Variants in CEP128 observed in about 807,000 individuals in gnomAD.
CEP128 encodes centrosomal protein 128.
A neutral mutation model predicts 156.7 loss-of-function variants in CEP128; 132 were observed. That is an observed-to-expected ratio of 0.84 (90% confidence interval 0.73 to 0.97). The LOEUF (loss-of-function observed/expected upper bound fraction) is 0.97. CEP128 is among the 50% of genes least tolerant of loss of function. The pLI, the probability that CEP128 is intolerant of heterozygous loss-of-function variation, is 0.00. For synonymous variants in CEP128, 469 were observed against 448.9 expected, an observed-to-expected ratio of 1.04 and a Z score of -0.57; for missense variants, 1,252 against 1,281.9, an observed-to-expected ratio of 0.98 and a Z score of 0.36.
Position 80,490,951 on chromosome 14 carries a change from G to T in CEP128, c.*11-229C>A, listed in dbSNP as rs7143767. On this transcript the variant is annotated intron_variant, in intron 6 of 6. Transcript: ENST00000556061. ...GGCGCCATCACCAAAGTTTCTGAAT[G>T]GATAGGTCTGGGGATAGCTAGAGAA... 2.7e-3 allele frequency among the ~76,000 whole-genome samples: 405 copies of T among 152,098 alleles called. 4 individuals are homozygous for T. The highest frequency in any genetic ancestry group is 8.9e-3 in the African/African-American group (369 of 41,438).
chr14:80,880,741 T>G (rs1236019645), intron 8 of CEP128, among the ~76,000 whole-genome samples: 2 of 149,680 alleles, frequency 1.3e-5, no homozygotes, highest in Non-Finnish European at 3.0e-5. Context: ...TGGGCGCCTG[T>G]AGTCCCAGCT....
downstream of CEP128, among the ~76,000 whole-genome samples, chr14:80,493,012 C>T (rs897264726): frequency 1.2e-4 from 18 of 151,800 alleles, no homozygotes; most frequent in Admixed American, 6.6e-4. Context: ...TCTTTATTTC[C>T]AATTAAGTAT....
In CEP128 at chr14:80,895,737, T is replaced by C; in HGVS notation, c.626A>G (p.Glu209Gly). 1 of 1,576,770 alleles carries C rather than the reference T, an allele frequency of 6.3e-7. No individual in the cohort carries two copies. The highest frequency in any genetic ancestry group is 8.6e-7 in the Non-Finnish European group (1 of 1,160,014). The change falls in exon 8 of 25, where the codon GAA becomes GGA. Residue 209 changes from glutamate (E) to glycine (G), a missense_variant. Glu to Gly is a moderately conservative substitution (Grantham distance 98). Transcript: ENST00000555265. ...TCTCACCACTTCTTGTTTCTGGGCT[T>C]CATTAAGTTTTTCAGTCAATTCTTC... ...ALEELTEKLN[E>G]AQKQEVVSDR...
chr14:80,939,823 A>G (rs922614535), intron 1 of CEP128, among the ~76,000 whole-genome samples: 1 of 152,170 alleles, frequency 6.6e-6, no homozygotes, highest in Admixed American at 6.5e-5. Context: ...AAGTCTAGCC[A>G]AAAAGTACTA....
intron 18 of CEP128, among the ~76,000 whole-genome samples, chr14:80,752,464 G>A (rs2139645896): frequency 6.6e-6 from 1 of 152,176 alleles, no homozygotes; most frequent in East Asian, 1.9e-4. Flanking sequence ...TCAATTAACT[G>A]AATATATTCC....
At chr14:80,781,672 A>C (rs890084707) in intron 15 of CEP128, among the ~76,000 whole-genome samples, 1 of 152,154 alleles carries the variant, frequency 6.6e-6, no homozygotes, top group Admixed American at 6.5e-5. Flanking sequence ...GAAAGGAACT[A>C]GAGGGAAGTA....
intron 21 of CEP128, among the ~76,000 whole-genome samples, chr14:80,544,199 C>T (rs970431583): frequency 6.6e-6 from 1 of 152,122 alleles, no homozygotes; most frequent in Non-Finnish European, 1.5e-5. Context: ...AACGTGTATA[C>T]TATATCATAA....
chr14:80,762,280 A>T lies in CEP128; in HGVS notation c.2377-667T>A, dbSNP rs1900009712. Among the ~76,000 whole-genome samples the T allele has an allele frequency of 3.3e-5, 5 of 151,024 alleles. No homozygotes were observed. In the South Asian group the frequency reaches 1.1e-3, roughly 32 times the overall value. On this transcript the variant is annotated intron_variant, in intron 16 of 24. Transcript: ENST00000555265. ...TAATTCTAAATCATTATGATTATAC[A>T]GTTACATTACTAGAGAAATTCCAAA... is the stretch of plus-strand genomic sequence containing the variant.
intron 19 of CEP128, among the ~76,000 whole-genome samples, chr14:80,706,152 C>T (rs151132173): frequency 7.2e-5 from 11 of 152,020 alleles, no homozygotes; most frequent in Admixed American, 7.2e-4. Flanking sequence ...CCTCATCAAC[C>T]CTTTGGTTAC....
chr14:80,942,775 CCTCT>C (rs1193803626), upstream of CEP128, among the ~76,000 whole-genome samples: 5 of 151,636 alleles, frequency 3.3e-5, no homozygotes, highest in Admixed American at 6.6e-5. Flanking sequence ...CGTTCATATC[CCTCT>C]CTCTCTTTCT....
At chr14:80,748,378 A>G (rs1385496874) in intron 18 of CEP128, among the ~76,000 whole-genome samples, 2 of 152,200 alleles carry the variant, frequency 1.3e-5, no homozygotes, top group Non-Finnish European at 2.9e-5. Flanking sequence ...CTACTGAAGC[A>G]CTAACGAAGA....
chr14:80,541,059 T>C (rs1178487019), intron 21 of CEP128, among the ~76,000 whole-genome samples: 1 of 152,142 alleles, frequency 6.6e-6, no homozygotes, highest in Non-Finnish European at 1.5e-5. Flanking sequence ...AAAAAGATCA[T>C]CAATAAGAAG....
At chr14:80,579,927 G>T (rs1891516124) in intron 20 of CEP128, among the ~76,000 whole-genome samples, 4 of 152,200 alleles carry the variant, frequency 2.6e-5, no homozygotes, top group Admixed American at 2.6e-4. Context: ...AACCTGTACT[G>T]AATTGAGAGG....
At chr14:80,534,787 T>C (rs1889405164) in intron 21 of CEP128, among the ~76,000 whole-genome samples, 1 of 125,902 alleles carries the variant, frequency 7.9e-6, no homozygotes, top group Non-Finnish European at 1.5e-5. Context: ...ATCACACCAC[T>C]GCACTCCAGC....
chr14:80,484,860 A>T (rs1224293205), intron 14 of CEP128, among the ~76,000 whole-genome samples: 1 of 151,806 alleles, frequency 6.6e-6, no homozygotes, highest in Non-Finnish European at 1.5e-5. Flanking sequence ...TGCACGGGAA[A>T]ATTTTTCTAT....
chr14:80,546,713 G>A (rs981939827), intron 21 of CEP128, among the ~76,000 whole-genome samples: 14 of 152,120 alleles, frequency 9.2e-5, no homozygotes, highest in African/African-American at 3.1e-4. Context: ...AGAAAGCATA[G>A]GTAGCAGTGA....
chr14:80,767,166 T>C (rs1900280023), intron 16 of CEP128, among the ~76,000 whole-genome samples: 1 of 152,088 alleles, frequency 6.6e-6, no homozygotes, highest in Non-Finnish European at 1.5e-5. Flanking sequence ...CAACATAAAA[T>C]GTCAACCAGG....
intron 19 of CEP128, among the ~76,000 whole-genome samples, chr14:80,708,121 C>T (rs1485670364): frequency 6.6e-6 from 1 of 152,018 alleles, no homozygotes; most frequent in Non-Finnish European, 1.5e-5. Context: ...TCTTCACGTC[C>T]CCTATGGACA....
At chr14:80,946,763 A>G (rs1433271802) in intron 2 of CEP128, among the ~76,000 whole-genome samples, 1 of 152,208 alleles carries the variant, frequency 6.6e-6, no homozygotes, top group Non-Finnish European at 1.5e-5. Context: ...AATAACTTCC[A>G]AATTTATACA....
Sources: gnomAD v4.1 joint callset for allele counts (sites outside exome capture counted in the v4.1 genomes callset) on GRCh38, gnomAD v4.1.1 for gene constraint, MANE v1.5 for transcripts, NCBI Gene and HGNC (gene_info 2026-07-23, HGNC 2026-07-21) for gene names.